The following TPRA1 variants were observed in gnomAD, a reference collection of about 807,000 sequenced individuals.
The protein encoded by TPRA1 is transmembrane protein adipocyte associated 1, also known as transmembrane protein adipocyte-associated 1.
TPRA1 carries 28 observed loss-of-function variants against 40.1 expected under a neutral mutation model. That is an observed-to-expected ratio of 0.70 (90% CI 0.52 to 0.96). The LOEUF is 0.96. Ranked by LOEUF, TPRA1 falls within the 40% of genes least tolerant of loss-of-function variation. TPRA1 has a pLI of 0.00. For synonymous variants in TPRA1, 219 were observed against 209.7 expected (o/e 1.04, Z -0.38); for missense variants, 441 against 482.6 (o/e 0.91, Z 0.81).
intron 3 of TPRA1, among the ~76,000 whole-genome samples, chr3:127,577,527 C>T (rs987149023): frequency 6.6e-6 from 1 of 152,192 alleles, no homozygotes; most frequent in African/African-American, 2.4e-5. Flanking sequence ...CTGCCTGGCA[C>T]CCAGGAAGGG....
In TPRA1 at chr3:127,576,100, C is replaced by G; in HGVS notation, c.499-50G>C. The G allele has an allele frequency of 6.8e-7, 1 of 1,465,214 alleles. No individual in the cohort carries two copies. Among genetic ancestry groups the G allele is most frequent in the Non-Finnish European group, 9.5e-7 (1 of 1,051,964 alleles). The allele number at this position is 1,465,214 out of a possible 1,614,324, so 90.8% of individuals were successfully genotyped here. On this transcript the variant is annotated intron_variant, in intron 6 of 10. Transcript: ENST00000355552. The surrounding 1 kb of genome is among the most constrained non-coding windows in gnomAD (Gnocchi z 4.6). The stretch of plus-strand genomic sequence containing the variant: ...GAAGGGAGAGGATCTCAAGGCTTCT[C>G]TCTCCCAGGGGCTTTCCCTGATGCA...
At position 127,576,621 on chromosome 3, in the gene TPRA1, G is replaced by C. The variant is rs767919594; in HGVS notation, c.494C>G (p.Thr165Ser). 3.7e-6 allele frequency: 6 copies of C among 1,604,460 alleles called. No individual in the cohort carries two copies. The highest frequency in any genetic ancestry group is 5.1e-6 in the Non-Finnish European group (6 of 1,175,558). ...TTVLSLAYSVTQGTLEILYPD... is the reference protein window; with the variant it reads ...TTVLSLAYSVSQGTLEILYPD... ...TGCCCACACTCACCCTCTTACCTGG[G>C]TGACAGAGTAGGCCAGGGACAGCAC... is the stretch of plus-strand genomic sequence containing the variant. Residue 165 changes from threonine (T) to serine (S), a missense_variant, in exon 6 of 11, where the codon ACC becomes AGC. Transcript: ENST00000355552. The surrounding 1 kb of genome is among the most constrained non-coding windows in gnomAD (Gnocchi z 4.6).
In TPRA1 at chr3:127,575,279, G is replaced by A. The variant is rs370385443; in HGVS notation, c.774-14C>T. 4 of 1,611,882 alleles carry A rather than the reference G, an allele frequency of 2.5e-6. No homozygotes were observed. Among genetic ancestry groups the A allele is most frequent in the East Asian group, 2.2e-5 (1 of 44,732 alleles). On this transcript the variant is annotated splice_polypyrimidine_tract_variant and intron_variant, in intron 9 of 10. Transcript: ENST00000355552. Reference sequence around the variant, plus strand: ...GCATCTACACAGCTGCGGAGAAGGCGGGTCAGCGCGGGGCCTCCTAGCCCC... The same window carrying A: ...GCATCTACACAGCTGCGGAGAAGGCAGGTCAGCGCGGGGCCTCCTAGCCCC...
upstream of TPRA1, chr3:127,594,991 G>GA (rs2074227658): frequency 6.6e-6 from 1 of 152,346 alleles, no homozygotes; most frequent in Admixed American, 6.5e-5. Flanking sequence ...ATGACTGTTG[G>GA]CTGGGGTCCC....
intron 3 of TPRA1, among the ~76,000 whole-genome samples, chr3:127,578,298 A>G (rs1299587045): frequency 6.6e-6 from 1 of 152,250 alleles, no homozygotes. Flanking sequence ...AGGTGCTCAC[A>G]TGAACACCAT....
chr3:127,581,090 C>T (rs983216687), intron 1 of TPRA1, among the ~76,000 whole-genome samples: 2 of 152,208 alleles, frequency 1.3e-5, no homozygotes, highest in East Asian at 1.9e-4. Flanking sequence ...GACTCCTAAG[C>T]TAGAGGACTC....
At chr3:127,579,496 G>C (rs2073755394) in intron 3 of TPRA1, among the ~76,000 whole-genome samples, 1 of 152,136 alleles carries the variant, frequency 6.6e-6, no homozygotes, top group Non-Finnish European at 1.5e-5. Context: ...GGCACTGTTT[G>C]CCTGAGTTGT....
At chr3:127,582,072 C>T (rs1181742414) in intron 1 of TPRA1, among the ~76,000 whole-genome samples, 2 of 152,200 alleles carry the variant, frequency 1.3e-5, no homozygotes, top group Non-Finnish European at 2.9e-5. Context: ...TGTGTTGTCA[C>T]CAAAGCTATC....
At chr3:127,596,365 C>A (rs2074240373) in intron 1 of TPRA1, among the ~76,000 whole-genome samples, 1 of 152,204 alleles carries the variant, frequency 6.6e-6, no homozygotes, top group Admixed American at 6.5e-5. Context: ...AGGTGTGAGC[C>A]ACCATGCCTG....
chr3:127,574,975 C>T, intron 10 of TPRA1: 1 of 603,670 alleles, frequency 1.7e-6, no homozygotes, highest in Non-Finnish European at 3.0e-6. Context: ...TGCATGTGCA[C>T]GTGTCCATGC....
At chr3:127,574,297 T>G (rs1271434326) in intron 10 of TPRA1, among the ~76,000 whole-genome samples, 1 of 152,232 alleles carries the variant, frequency 6.6e-6, no homozygotes, top group Non-Finnish European at 1.5e-5. Context: ...GCTGGGGCCA[T>G]GGACCAGTCT....
At position 127,572,359 on chromosome 3, in the gene TPRA1, A is replaced by G. The variant is rs965614478; in HGVS notation, c.*1162T>C. Reference sequence around the variant, plus strand: ...GTCCTGGATGGGCTCCTCCTCTCCAACTCTGGGGATTACATAACTGGCAGC... The same window carrying G: ...GTCCTGGATGGGCTCCTCCTCTCCAGCTCTGGGGATTACATAACTGGCAGC... On this transcript the variant is annotated 3_prime_UTR_variant, in exon 11 of 11. Coordinates refer to ENST00000355552, the MANE Select transcript of TPRA1 (RefSeq NM_001136053.4). 2.6e-5 allele frequency among the ~76,000 whole-genome samples: 4 copies of G among 152,098 alleles called. No individual in the cohort carries two copies. The highest frequency in any genetic ancestry group is 1.3e-4 in the Admixed American group (2 of 15,272).
In TPRA1 at chr3:127,573,728, A is replaced by G. The variant is rs758418111; in HGVS notation, c.915T>C (p.Asp305=). 6.2e-7 allele frequency: 1 copy of G among 1,606,600 alleles called. No individual in the cohort carries two copies. The highest frequency in any genetic ancestry group is 8.5e-7 in the Non-Finnish European group (1 of 1,174,150). Residue 305 remains aspartate, a synonymous_variant, in exon 11 of 11, where the codon GAT becomes GAC. Transcript: ENST00000355552. ...CAGCGTAGGGCTGGGGTAGGTGTAC[A>G]TCTGGCTCCTCTGTCTCGTCCACTT... ...KCQVDETEEP[D]VHLPQPYAVA... is the part of the protein sequence containing the mutation.
At position 127,576,898 on chromosome 3, in the gene TPRA1, A is replaced by G; in HGVS notation, c.346-5T>C. 2 of 1,613,836 alleles carry G rather than the reference A, an allele frequency of 1.2e-6. No individual in the cohort carries two copies. The highest frequency in any genetic ancestry group is 1.7e-6 in the Non-Finnish European group (2 of 1,180,028). On this transcript the variant is annotated splice_region_variant and splice_polypyrimidine_tract_variant and intron_variant, in intron 4 of 10. Coordinates refer to ENST00000355552, the MANE Select transcript of TPRA1 (RefSeq NM_001136053.4). This position sits in a 1 kb window ranked among gnomAD's most constrained non-coding sequence, Gnocchi z 4.6. ...GCGGGTGATCTCCCACAGGATCTGCACGCAGAGTGGGCACAGCGTCAGCCT... is the reference window on the plus strand; with the variant it reads ...GCGGGTGATCTCCCACAGGATCTGCGCGCAGAGTGGGCACAGCGTCAGCCT...
Position 127,571,696 on chromosome 3 carries a change from C to T in TPRA1, c.*1825G>A, listed in dbSNP as rs2073380639. ...GGATGGCTCTGGAAGGTTATGGAGA[C>T]CCTGGGTGCTTCAGGAGGGGGACAG... On this transcript the variant is annotated 3_prime_UTR_variant, in exon 11 of 11. Coordinates refer to ENST00000355552, the MANE Select transcript of TPRA1 (RefSeq NM_001136053.4). The T allele has an allele frequency of 6.6e-6, 1 of 152,116 alleles. No individual in the cohort carries two copies. The highest frequency in any genetic ancestry group is 1.5e-5 in the Non-Finnish European group (1 of 68,034). 9.4% of individuals were successfully genotyped at this position (152,116 alleles called of 1,614,324 possible). A position where few individuals can be genotyped will look rare whatever the true frequency, so the allele number is the denominator to read the frequency against.
In TPRA1 at chr3:127,576,120, G is replaced by C; in HGVS notation, c.499-70C>G. ...CTTCTCTCTCCCAGGGGCTTTCCCTGATGCAAAGCCCCCTAAGCTCTCCAC... is the reference window on the plus strand; with the variant it reads ...CTTCTCTCTCCCAGGGGCTTTCCCTCATGCAAAGCCCCCTAAGCTCTCCAC... On this transcript the variant is annotated intron_variant, in intron 6 of 10. Coordinates refer to ENST00000355552, the MANE Select transcript of TPRA1 (RefSeq NM_001136053.4). This position sits in a 1 kb window ranked among gnomAD's most constrained non-coding sequence, Gnocchi z 4.6. 1.6e-6 allele frequency: 2 copies of C among 1,249,114 alleles called. No homozygotes were observed. The highest frequency in any genetic ancestry group is 2.3e-6 in the Non-Finnish European group (2 of 863,972). The allele number at this position is 1,249,114 out of a possible 1,614,324, so 77.4% of individuals were successfully genotyped here.
chr3:127,576,122 T>G lies in TPRA1; in HGVS notation c.499-72A>C. The stretch of plus-strand genomic sequence containing the variant: ...TCTCTCTCCCAGGGGCTTTCCCTGA[T>G]GCAAAGCCCCCTAAGCTCTCCACCA... On this transcript the variant is annotated intron_variant, in intron 6 of 10. Coordinates refer to ENST00000355552, the MANE Select transcript of TPRA1 (RefSeq NM_001136053.4). This position sits in a 1 kb window ranked among gnomAD's most constrained non-coding sequence, Gnocchi z 4.6. The G allele has an allele frequency of 8.1e-7, 1 of 1,232,344 alleles. No individual in the cohort carries two copies. Among genetic ancestry groups the G allele is most frequent in the Non-Finnish European group, 1.2e-6 (1 of 849,298 alleles). 76.3% of individuals were successfully genotyped at this position (1,232,344 alleles called of 1,614,324 possible). A position where few individuals can be genotyped will look rare whatever the true frequency, so the allele number is the denominator to read the frequency against.
chr3:127,583,392 G>A (rs973687953), intron 1 of TPRA1, among the ~76,000 whole-genome samples: 1 of 152,102 alleles, frequency 6.6e-6, no homozygotes, highest in African/African-American at 2.4e-5. Flanking sequence ...CAGCTAATAG[G>A]AAGGCTGAGG....
At chr3:127,583,891 G>C (rs1015172476) in intron 1 of TPRA1, among the ~76,000 whole-genome samples, 1 of 151,812 alleles carries the variant, frequency 6.6e-6, no homozygotes, top group African/African-American at 2.4e-5. Context: ...GGATGGTCTC[G>C]ATCTCCTGAC....
Sources: gnomAD v4.1 joint callset for allele counts (sites outside exome capture counted in the v4.1 genomes callset) on GRCh38, gnomAD v4.1.1 for gene constraint, Gnocchi (gnomAD v3.1) non-coding constraint, MANE v1.5 for transcripts, NCBI Gene and HGNC (gene_info 2026-07-23, HGNC 2026-07-21) for gene names.